NR2C2: variants seen among roughly 807,000 people sequenced by gnomAD.
NR2C2 encodes Nuclear hormone receptor TR4.
A neutral mutation model predicts 62.9 loss-of-function variants in NR2C2; 6 were observed. The observed-to-expected ratio is 0.10, with a 90% confidence interval of 0.05 to 0.19. NR2C2 has a LOEUF of 0.19. NR2C2 is among the 10% of genes least tolerant of loss of function. The probability of loss-of-function intolerance (pLI) is 1.00; values close to 1 mark genes in which losing one functional copy is unlikely to be tolerated. For missense variants in NR2C2, 479 were observed against 762.7 expected (o/e 0.63, Z 4.38); for synonymous variants, 272 against 273.8 (o/e 0.99, Z 0.07).
In NR2C2 at chr3:14,977,961, A is replaced by AAAG. The variant is rs558398719; in HGVS notation, c.-39-25897_-39-25895dup. Among the ~76,000 whole-genome samples, 26 of 148,896 alleles carry AAAG rather than the reference A, an allele frequency of 1.7e-4. No individual in the cohort carries two copies. In the East Asian group the frequency reaches 2.7e-3, roughly 16 times the overall value. The stretch of plus-strand genomic sequence containing the variant: ...GAGACTCTGCCTCAAAAAAAAAAAA[A>AAAG]AAGAAGAAGAAGAAGAAGAACAGAC... On this transcript the variant is annotated intron_variant, in intron 1 of 13. Coordinates refer to ENST00000425241, the MANE Select transcript of NR2C2 (RefSeq NM_001291694.2).
At chr3:14,981,321 A>G (rs2125328515) in intron 1 of NR2C2, among the ~76,000 whole-genome samples, 1 of 152,208 alleles carries the variant, frequency 6.6e-6, no homozygotes, top group East Asian at 1.9e-4. Flanking sequence ...TTAAAAAGTT[A>G]GGCCGGGCGC....
At chr3:15,027,840 C>T (rs2041865798) in intron 7 of NR2C2, among the ~76,000 whole-genome samples, 1 of 151,748 alleles carries the variant, frequency 6.6e-6, no homozygotes, top group Non-Finnish European at 1.5e-5. Flanking sequence ...TCAAGGGATC[C>T]TTCTGCTTTG....
chr3:14,959,394 T>C (rs1559527898), intron 1 of NR2C2: 1 of 152,206 alleles, frequency 6.6e-6, no homozygotes, highest in Non-Finnish European at 1.5e-5. Flanking sequence ...TCAAAAGTAA[T>C]AGAAAATATT....
intron 1 of NR2C2, among the ~76,000 whole-genome samples, chr3:15,002,352 T>A (rs997706736): frequency 2.0e-5 from 3 of 152,220 alleles, no homozygotes; most frequent in African/African-American, 7.2e-5. Context: ...TTCTGTCCTT[T>A]ATTCCTTTAA....
At chr3:14,997,514 A>G (rs560613672) in intron 1 of NR2C2, among the ~76,000 whole-genome samples, 1 of 152,352 alleles carries the variant, frequency 6.6e-6, no homozygotes, top group South Asian at 2.1e-4. Context: ...AGTTATAAAT[A>G]AACAGAGCTA....
chr3:14,964,578 G>A (rs886447698), intron 1 of NR2C2, among the ~76,000 whole-genome samples: 11 of 151,728 alleles, frequency 7.2e-5, no homozygotes, highest in East Asian at 3.9e-4. Context: ...GCAGTGGTGC[G>A]ATCTCGGCTC....
intron 1 of NR2C2, among the ~76,000 whole-genome samples, chr3:14,966,047 ATAAC>A: frequency 6.6e-6 from 1 of 152,332 alleles, no homozygotes; most frequent in East Asian, 1.9e-4. Flanking sequence ...ACTGCATATA[ATAAC>A]TATATATAAT....
At chr3:14,996,156 G>T (rs111914178) in intron 1 of NR2C2, among the ~76,000 whole-genome samples, 6 of 152,172 alleles carry the variant, frequency 3.9e-5, no homozygotes, top group Non-Finnish European at 7.4e-5. Flanking sequence ...AAGCACAAAA[G>T]ATTTTAATGT....
At chr3:15,037,935 C>T in intron 11 of NR2C2, 65 bp from the exon 12 acceptor site, 1 of 1,498,336 alleles carries the variant, frequency 6.7e-7, no homozygotes, top group Middle Eastern at 1.8e-4. Flanking sequence ...ATATGTGGCC[C>T]CTCAAATAAG....
chr3:15,022,442 G>A (rs769313177), intron 5 of NR2C2, among the ~76,000 whole-genome samples: 33 of 109,900 alleles, frequency 3.0e-4, no homozygotes, highest in Admixed American at 4.2e-4. Context: ...TTGCTCTGTT[G>A]CCCAGGTTGG....
intron 13 of NR2C2, among the ~76,000 whole-genome samples, chr3:15,040,478 G>A (rs1163764869): frequency 6.6e-6 from 1 of 152,230 alleles, no homozygotes; most frequent in African/African-American, 2.4e-5. Context: ...GTCTCCAGGA[G>A]CCCCATGGAA....
At chr3:14,995,185 G>C (rs1215595989) in intron 1 of NR2C2, among the ~76,000 whole-genome samples, 4 of 150,490 alleles carry the variant, frequency 2.7e-5, no homozygotes, top group African/African-American at 9.7e-5. Flanking sequence ...TTTTTTAATA[G>C]AGACCAAGTT....
chr3:15,033,205 G>A (rs2042023193), intron 10 of NR2C2, among the ~76,000 whole-genome samples: 1 of 152,224 alleles, frequency 6.6e-6, no homozygotes, highest in Non-Finnish European at 1.5e-5. Flanking sequence ...CTAGAATGGA[G>A]GGCAGGGTTG....
rs1282876005 is a variant in NR2C2, at chr3:15,042,816, T to TG, written c.1617-17dup. On this transcript the variant is annotated splice_polypyrimidine_tract_variant and intron_variant, in intron 13 of 13. Transcript: ENST00000425241. The stretch of plus-strand genomic sequence containing the variant: ...GGCATCAAACAGTCTCCTTTTCTAA[T>TG]GACACTCCCTTTTATAGATTGGCCC... 2.5e-6 allele frequency: 4 copies of TG among 1,610,032 alleles called. No homozygotes were observed. In the African/African-American group the frequency reaches 4.0e-5, roughly 16 times the overall value.
intron 2 of NR2C2, among the ~76,000 whole-genome samples, chr3:15,010,619 G>A (rs933109155): frequency 1.3e-5 from 2 of 152,034 alleles, no homozygotes; most frequent in East Asian, 3.9e-4. Flanking sequence ...GGCTGAGATG[G>A]GAGGATTGCT....
intron 2 of NR2C2, among the ~76,000 whole-genome samples, chr3:15,005,970 C>G (rs1174682669): frequency 6.6e-6 from 1 of 152,130 alleles, no homozygotes; most frequent in East Asian, 1.9e-4. Context: ...CTTAGGGAGG[C>G]TGAAGAAGGC....
chr3:15,048,510 A>C lies in NR2C2; in HGVS notation c.*5502A>C, dbSNP rs533323460. On this transcript the variant is annotated 3_prime_UTR_variant, in exon 14 of 14. Coordinates refer to ENST00000425241, the MANE Select transcript of NR2C2 (RefSeq NM_001291694.2). The stretch of plus-strand genomic sequence containing the variant: ...GGTGTCTTGATATTTATACATGCAA[A>C]ATAGAAAAAAAATGTTCAACATTTA... 1.4e-3 allele frequency: 208 copies of C among 152,754 alleles called. No individual in the cohort carries two copies. The highest frequency in any genetic ancestry group is 4.8e-3 in the African/African-American group (200 of 41,580). 9.5% of individuals were successfully genotyped at this position (152,754 alleles called of 1,614,324 possible). A position where few individuals can be genotyped will look rare whatever the true frequency, so the allele number is the denominator to read the frequency against.
intron 1 of NR2C2, among the ~76,000 whole-genome samples, chr3:14,971,599 C>G (rs1049065415): frequency 2.6e-5 from 4 of 151,664 alleles, no homozygotes; most frequent in Admixed American, 2.0e-4. Flanking sequence ...TACATTCTTA[C>G]CAGCAGTGCA....
In NR2C2 at chr3:15,042,871, C is replaced by T; in HGVS notation, c.1654C>T (p.Leu552=). ...RILVRLPALR[L]MSSNITEELF... is the part of the protein sequence containing the mutation. ...CCTCGTTCGCCTGCCGGCACTCAGGCTGATGAGCTCCAACATAACAGAAGA... is the reference window on the plus strand; with the variant it reads ...CCTCGTTCGCCTGCCGGCACTCAGGTTGATGAGCTCCAACATAACAGAAGA... The change falls in exon 14 of 14, where the codon CTG becomes TTG. Residue 552 remains leucine (L), a synonymous_variant. Coordinates refer to ENST00000425241, the MANE Select transcript of NR2C2 (RefSeq NM_001291694.2). The T allele has an allele frequency of 6.2e-7, 1 of 1,614,152 alleles. No homozygotes were observed. Among genetic ancestry groups the T allele is most frequent in the South Asian group, 1.1e-5 (1 of 91,082 alleles).
Sources: gnomAD v4.1 joint callset for allele counts (sites outside exome capture counted in the v4.1 genomes callset) on GRCh38, gnomAD v4.1.1 for gene constraint, MANE v1.5 for transcripts, NCBI Gene and HGNC (gene_info 2026-07-23, HGNC 2026-07-21) for gene names.